Variants in GSTCD observed in about 807,000 individuals in gnomAD.
GSTCD encodes glutathione S-transferase C-terminal domain-containing protein.
In GSTCD, 44 loss-of-function variants were observed where a neutral mutation model predicts 68.3. The ratio of observed to expected loss-of-function variants is 0.64; its 90% confidence interval spans 0.51 to 0.83. GSTCD has a LOEUF of 0.83. Ranked by LOEUF, GSTCD falls within the 40% of genes least tolerant of loss-of-function variation. The pLI is 0.00. For synonymous variants in GSTCD, 273 were observed against 255.2 expected (o/e 1.07, Z -0.67); for missense variants, 739 against 735.9 (o/e 1.00, Z -0.05).
At chr4:105,776,694 G>A (rs1400598123) in intron 5 of GSTCD, among the ~76,000 whole-genome samples, 1 of 152,136 alleles carries the variant, frequency 6.6e-6, no homozygotes, top group African/African-American at 2.4e-5. Flanking sequence ...CCAATGAGAT[G>A]AGCCAGGTAG....
chr4:105,840,416 G>T, intron 10 of GSTCD: 1 of 227,622 alleles, frequency 4.4e-6, no homozygotes, highest in Non-Finnish European at 9.2e-6. Context: ...GCATTAAAAT[G>T]TTTTTTTTAA....
At position 105,782,052 on chromosome 4, in the gene GSTCD, C is replaced by T. The variant is rs141055381; in HGVS notation, c.1241-40902C>T. On this transcript the variant is annotated intron_variant, in intron 5 of 11. Transcript: ENST00000515279. ...GTCAGAATAAATGTGCCACTTCTTG[C>T]GCATACCTTGTACAAGGTCTGCAAC... is the stretch of plus-strand genomic sequence containing the variant. Among the ~76,000 whole-genome samples the T allele has an allele frequency of 4.3e-3, 654 of 152,264 alleles. 5 individuals carry two copies. The highest frequency in any genetic ancestry group is 4.1e-3 in the Admixed American group (63 of 15,290).
chr4:105,847,602 G>A lies in GSTCD; in HGVS notation c.*2025G>A, dbSNP rs1484827043. 6.6e-6 allele frequency: 1 copy of A among 152,096 alleles called. No homozygotes were observed. Among genetic ancestry groups the A allele is most frequent in the Non-Finnish European group, 1.5e-5 (1 of 67,988 alleles). The allele number at this position is 152,096 out of a possible 1,614,324, so 9.4% of individuals were successfully genotyped here. On this transcript the variant is annotated 3_prime_UTR_variant, in exon 12 of 12. Coordinates refer to ENST00000515279, the MANE Select transcript of GSTCD (RefSeq NM_001370181.1). ...ACATTGAGAATATTTTTTCCAGTCT[G>A]TGGCTTACCTACTTATTTTCATAAT... is the stretch of plus-strand genomic sequence containing the variant.
At chr4:105,834,251 A>G (rs1318115626) in intron 8 of GSTCD, among the ~76,000 whole-genome samples, 1 of 152,130 alleles carries the variant, frequency 6.6e-6, no homozygotes, top group East Asian at 1.9e-4. Flanking sequence ...CCACACTAAA[A>G]TTGCATCAAA....
In GSTCD at chr4:105,728,678, GAT is replaced by G. The variant is rs3055935; in HGVS notation, c.1147-722_1147-721del. ...AGAGCCATGGAGATATCTAGATATAGATATATAGATATAGATATAGATATAGA... is the reference window on the plus strand; with the variant it reads ...AGAGCCATGGAGATATCTAGATATAGATATAGATATAGATATAGATATAGA... On this transcript the variant is annotated intron_variant, in intron 4 of 11. Transcript: ENST00000515279. Among the ~76,000 whole-genome samples, 55 of 51,314 alleles carry G rather than the reference GAT, an allele frequency of 1.1e-3. No individual in the cohort carries two copies. The African/African-American group carries it at 0.012, about 11-fold the overall frequency. The allele number at this position is 51,314 out of a possible 152,430, so 33.7% of individuals were successfully genotyped here.
At chr4:105,822,857 C>T (rs754578127) in intron 5 of GSTCD, 97 bp from the exon 6 acceptor site, 1 of 725,404 alleles carries the variant, frequency 1.4e-6, no homozygotes, top group Non-Finnish European at 2.4e-6. Context: ...GCTCCTCCCC[C>T]TCCTCCTCCT....
chr4:105,784,741 G>A (rs1735400986), intron 5 of GSTCD, among the ~76,000 whole-genome samples: 2 of 151,968 alleles, frequency 1.3e-5, no homozygotes, highest in Admixed American at 6.6e-5. Context: ...GGATAAATTC[G>A]TGGATTCTTA....
chr4:105,724,195 G>A (rs991354639), intron 3 of GSTCD, among the ~76,000 whole-genome samples: 3 of 151,612 alleles, frequency 2.0e-5, no homozygotes, highest in Admixed American at 6.6e-5. Flanking sequence ...TAATGTGTTT[G>A]AGACATCATA....
At chr4:105,714,287 AAG>A (rs1732620653) in intron 1 of GSTCD, among the ~76,000 whole-genome samples, 1 of 152,154 alleles carries the variant, frequency 6.6e-6, no homozygotes, top group Non-Finnish European at 1.5e-5. Context: ...AAAGCTGAGA[AAG>A]AGTAAATTAC....
chr4:105,823,455 A>G, intron 7 of GSTCD, 180 bp downstream of exon 7: 1 of 475,644 alleles, frequency 2.1e-6, no homozygotes, highest in East Asian at 3.1e-5. Context: ...AAAAAAAAGT[A>G]AAGTAAGATC....
At chr4:105,829,330 A>G (rs1476457037) in intron 8 of GSTCD, among the ~76,000 whole-genome samples, 2 of 152,310 alleles carry the variant, frequency 1.3e-5, no homozygotes, top group African/African-American at 4.8e-5. Context: ...TTTAATATGA[A>G]CAGCTAAAGG....
At chr4:105,709,225 G>A (rs904374899) in intron 1 of GSTCD, 1 of 152,304 alleles carries the variant, frequency 6.6e-6, no homozygotes, top group African/African-American at 2.4e-5. Context: ...TGAGGGCTCT[G>A]GGCTTCTCGG....
intron 5 of GSTCD, among the ~76,000 whole-genome samples, chr4:105,810,930 T>A (rs1412993888): frequency 6.6e-6 from 1 of 152,158 alleles, no homozygotes. Context: ...ATCTGATCTG[T>A]GTCTTTGTTG....
intron 5 of GSTCD, among the ~76,000 whole-genome samples, chr4:105,756,081 TACAGATGAACA>T (rs1734178016): frequency 6.6e-6 from 1 of 152,172 alleles, no homozygotes; most frequent in African/African-American, 2.4e-5. Context: ...TAATAAAGGA[TACAGATGAACA>T]ACAGATGAAG....
At chr4:105,834,260 A>G (rs571908166) in intron 8 of GSTCD, among the ~76,000 whole-genome samples, 8 of 152,240 alleles carry the variant, frequency 5.3e-5, no homozygotes, top group East Asian at 1.9e-4. Context: ...AATTGCATCA[A>G]ATTTTCCGTT....
chr4:105,792,132 GCTTT>G (rs1735700378), intron 5 of GSTCD, among the ~76,000 whole-genome samples: 1 of 151,884 alleles, frequency 6.6e-6, no homozygotes. Flanking sequence ...TCTAAGAATG[GCTTT>G]CTATTACAGC....
chr4:105,832,017 C>T (rs1723916894), intron 8 of GSTCD, among the ~76,000 whole-genome samples: 1 of 152,120 alleles, frequency 6.6e-6, no homozygotes. Context: ...AGATTTTTAG[C>T]TTAGTTAGGA....
chr4:105,832,815 TA>T (rs1416968549), intron 8 of GSTCD, among the ~76,000 whole-genome samples: 1 of 152,250 alleles, frequency 6.6e-6, no homozygotes, highest in Non-Finnish European at 1.5e-5. Flanking sequence ...CTATAATTTT[TA>T]CTATGAAATT....
In GSTCD at chr4:105,717,987, A is replaced by C; in HGVS notation, c.374A>C (p.Glu125Ala). 1 of 1,612,754 alleles carries C rather than the reference A, an allele frequency of 6.2e-7. No homozygotes were observed. Among genetic ancestry groups the C allele is most frequent in the Non-Finnish European group, 8.5e-7 (1 of 1,179,530 alleles). ...TATGAAGCAGACCCCTTAAAGAAGG[A>C]ACTTTTGGAACTTCTGGGCTTTAAA... is the stretch of plus-strand genomic sequence containing the variant. ...KSYEADPLKK[E>A]LLELLGFKKT... The change falls in exon 2 of 12, where the codon GAA (glutamate) becomes GCA (alanine). Residue 125 changes from glutamate (E) to alanine (A), a missense_variant. By Grantham distance (107) the Glu-to-Ala change is moderately radical (BLOSUM62 -1). Transcript: ENST00000515279.
Sources: gnomAD v4.1 joint callset for allele counts (sites outside exome capture counted in the v4.1 genomes callset) on GRCh38, gnomAD v4.1.1 for gene constraint, MANE v1.5 for transcripts, NCBI Gene and HGNC (gene_info 2026-07-23, HGNC 2026-07-21) for gene names.